The following EXOC6B variants were observed in gnomAD, a reference collection of about 807,000 sequenced individuals.
EXOC6B encodes SEC15 homolog B.
Under a neutral mutation model 113.5 loss-of-function variants are expected in EXOC6B, and 54 were observed. The ratio of observed to expected loss-of-function variants is 0.48; its 90% CI spans 0.38 to 0.60. EXOC6B has a LOEUF of 0.60. Ranked by LOEUF, EXOC6B falls within the 20% of genes least tolerant of loss-of-function variation. EXOC6B has a pLI of 0.00. For synonymous variants in EXOC6B, 357 were observed against 339.0 expected (o/e 1.05, Z -0.58); for missense variants, 797 against 977.5 (o/e 0.82, Z 2.46).
intron 6 of EXOC6B, among the ~76,000 whole-genome samples, chr2:72,687,051 T>C (rs1473525531): frequency 6.6e-6 from 1 of 151,804 alleles, no homozygotes; most frequent in African/African-American, 2.4e-5. Context: ...GGCAGGAGAA[T>C]TGCTTGAACC....
At chr2:72,756,736 C>A (rs1262270362) in intron 1 of EXOC6B, among the ~76,000 whole-genome samples, 1 of 152,046 alleles carries the variant, frequency 6.6e-6, no homozygotes, top group East Asian at 1.9e-4. Context: ...ATGAAGCAAC[C>A]TTTTTCACAT....
chr2:72,548,380 G>C (rs1413610044), intron 8 of EXOC6B, among the ~76,000 whole-genome samples: 1 of 152,128 alleles, frequency 6.6e-6, no homozygotes, highest in East Asian at 1.9e-4. Context: ...CATAAAAGGG[G>C]GGTGAGTGGA....
chr2:72,197,505 C>T (rs1276691687), intron 20 of EXOC6B, among the ~76,000 whole-genome samples: 1 of 152,090 alleles, frequency 6.6e-6, no homozygotes, highest in Non-Finnish European at 1.5e-5. Flanking sequence ...TAAAAATAAT[C>T]TATATTCCAC....
rs536443295 is a variant in EXOC6B at position 72,574,905 on chromosome 2, T to C, written c.846+587A>G. On this transcript the variant is annotated intron_variant, in intron 7 of 21. Transcript: ENST00000272427. Reference sequence around the variant, plus strand: ...CAAAGAAAGATAGAAAAATATGTACTAGTTAAGGCACTTAATCTTATTCTT... The same window carrying C: ...CAAAGAAAGATAGAAAAATATGTACCAGTTAAGGCACTTAATCTTATTCTT... Among the ~76,000 whole-genome samples, 27 of 152,346 alleles carry C rather than the reference T, an allele frequency of 1.8e-4. 1 individual carries two copies. The South Asian group carries it at 4.8e-3, about 27-fold the overall frequency.
intron 1 of EXOC6B, among the ~76,000 whole-genome samples, chr2:72,769,245 A>G (rs1683274205): frequency 6.6e-6 from 1 of 152,242 alleles, no homozygotes; most frequent in African/African-American, 2.4e-5. Context: ...TGACCTCAGA[A>G]TGAAGCACAG....
At chr2:72,533,592 T>A (rs1702129737) in intron 8 of EXOC6B, among the ~76,000 whole-genome samples, 1 of 152,186 alleles carries the variant, frequency 6.6e-6, no homozygotes, top group Admixed American at 6.5e-5. Flanking sequence ...CCAATGTGGT[T>A]TATATGACTG....
rs190787002 is a variant in EXOC6B, at chr2:72,537,826, A to G, written c.915+21627T>C. Among the ~76,000 whole-genome samples the G allele has an allele frequency of 1.2e-4, 18 of 152,322 alleles. 1 individual carries two copies. Among genetic ancestry groups the G allele is most frequent in the Middle Eastern group, 3.4e-3 (1 of 294 alleles). On this transcript the variant is annotated intron_variant, in intron 8 of 21. Transcript: ENST00000272427. ...GGTTTTAAATTTATTCAGATACGGTATATCAAGTTGACAAAAATTGATGTT... is the reference window on the plus strand; with the variant it reads ...GGTTTTAAATTTATTCAGATACGGTGTATCAAGTTGACAAAAATTGATGTT...
intron 18 of EXOC6B, among the ~76,000 whole-genome samples, chr2:72,442,341 G>A (rs1391354662): frequency 6.6e-6 from 1 of 152,048 alleles, no homozygotes; most frequent in Non-Finnish European, 1.5e-5. Context: ...GCAAAAAATG[G>A]CACAAGACAA....
At chr2:72,453,779 G>T (rs1005690492) in intron 18 of EXOC6B, among the ~76,000 whole-genome samples, 4 of 152,242 alleles carry the variant, frequency 2.6e-5, no homozygotes, top group Admixed American at 2.0e-4. Flanking sequence ...CAATAAGAAA[G>T]AATGCAAGCC....
At chr2:72,538,492 A>G (rs1362130723) in intron 8 of EXOC6B, among the ~76,000 whole-genome samples, 1 of 152,330 alleles carries the variant, frequency 6.6e-6, no homozygotes, top group African/African-American at 2.4e-5. Flanking sequence ...ATGCAAATCA[A>G]AATTATTAAT....
intron 19 of EXOC6B, among the ~76,000 whole-genome samples, chr2:72,340,888 C>G (rs908387401): frequency 6.6e-6 from 1 of 152,076 alleles, no homozygotes; most frequent in African/African-American, 2.4e-5. Context: ...AAGCTAATTA[C>G]AAACAGGAGT....
At chr2:72,693,338 T>C (rs1257585144) in intron 6 of EXOC6B, among the ~76,000 whole-genome samples, 3 of 151,904 alleles carry the variant, frequency 2.0e-5, no homozygotes, top group African/African-American at 7.3e-5. Flanking sequence ...CAGGCTGGAG[T>C]GCAGTGGTGC....
At chr2:72,378,159 G>C (rs781571981) in intron 19 of EXOC6B, among the ~76,000 whole-genome samples, 2 of 152,160 alleles carry the variant, frequency 1.3e-5, no homozygotes, top group Non-Finnish European at 2.9e-5. Flanking sequence ...TCCAGTGGCT[G>C]TTCTCTGCCA....
chr2:72,179,522 C>T (rs1677956590), intron 21 of EXOC6B, 61 bp from the exon 22 acceptor site: 1 of 1,602,528 alleles, frequency 6.2e-7, no homozygotes, highest in Non-Finnish European at 8.5e-7. Flanking sequence ...GGAAGGAGAA[C>T]CTGCAGGAAG....
chr2:72,204,411 T>TG (rs1396207271), intron 20 of EXOC6B, among the ~76,000 whole-genome samples: 8 of 152,238 alleles, frequency 5.3e-5, no homozygotes, highest in African/African-American at 1.9e-4. Context: ...AGGCAGAGAA[T>TG]GGGTGGAAAG....
intron 20 of EXOC6B, among the ~76,000 whole-genome samples, chr2:72,187,470 A>G (rs1052290194): frequency 6.6e-6 from 1 of 152,052 alleles, no homozygotes; most frequent in Admixed American, 6.5e-5. Context: ...TTATTGAGCA[A>G]TAGAACAGCT....
intron 7 of EXOC6B, among the ~76,000 whole-genome samples, chr2:72,565,752 T>A (rs928244186): frequency 1.3e-5 from 2 of 152,180 alleles, no homozygotes; most frequent in African/African-American, 4.8e-5. Context: ...ATATGTTTCT[T>A]ATCTATGAGA....
At chr2:72,714,793 A>G (rs978232098) in intron 6 of EXOC6B, among the ~76,000 whole-genome samples, 3 of 152,126 alleles carry the variant, frequency 2.0e-5, no homozygotes, top group African/African-American at 4.8e-5. Context: ...ATGCTCCCCA[A>G]CCTCCACTAC....
intron 6 of EXOC6B, among the ~76,000 whole-genome samples, chr2:72,640,241 A>G (rs1411252695): frequency 6.6e-6 from 1 of 152,224 alleles, no homozygotes; most frequent in East Asian, 1.9e-4. Context: ...TATTAATATC[A>G]AAATGAACTA....
Sources: gnomAD v4.1 joint callset for allele counts (sites outside exome capture counted in the v4.1 genomes callset) on GRCh38, gnomAD v4.1.1 for gene constraint, MANE v1.5 for transcripts, NCBI Gene and HGNC (gene_info 2026-07-23, HGNC 2026-07-21) for gene names.